VBP1: variants seen among roughly 807,000 people sequenced by gnomAD.
VBP1 encodes the protein prefoldin subunit 3.
In VBP1, 4 loss-of-function variants were observed where a neutral mutation model predicts 15.5. The ratio of observed to expected loss-of-function variants is 0.26; its 90% CI spans 0.13 to 0.59. The LOEUF is 0.59. VBP1 is among the 20% of genes least tolerant of loss of function. The pLI, the probability that VBP1 is intolerant of heterozygous loss-of-function variation, is 0.90. For missense variants in VBP1, 108 were observed against 139.6 expected (o/e 0.77, Z 1.14); for synonymous variants, 61 against 52.1 (o/e 1.17, Z -0.74).
At chrX:155,201,925 A>T (rs1336250290) in intron 1 of VBP1, among the ~76,000 whole-genome samples, 4 of 111,865 alleles carry the variant, frequency 3.6e-5, no homozygotes, top group Non-Finnish European at 7.5e-5. Flanking sequence ...CAGGATACAA[A>T]ATCAATGTGC....
chrX:155,216,623 G>T, intron 1 of VBP1, 48 bp downstream of exon 1: 1 of 1,161,189 alleles, frequency 8.6e-7, no homozygotes, highest in East Asian at 3.3e-5. Context: ...GCCTTGGACT[G>T]CCCCTTTCTT....
chrX:155,231,645 C>G (rs1557310878), intron 4 of VBP1, among the ~76,000 whole-genome samples: 1 of 112,400 alleles, frequency 8.9e-6, no homozygotes, highest in African/African-American at 3.2e-5. Context: ...GATGCACCCA[C>G]TTTTAATCAT....
In VBP1 at chrX:155,238,759, A is replaced by G. The variant is rs1557311887; in HGVS notation, c.524-13A>G. ...TAGAATTGCATTTGCATTTTCTTTG[A>G]CAATTCTTGCAGATATGGCCAGGGT... On this transcript the variant is annotated splice_polypyrimidine_tract_variant and intron_variant, in intron 5 of 5. Coordinates refer to ENST00000286428, the MANE Select transcript of VBP1 (RefSeq NM_003372.7). 1 of 1,195,254 alleles carries G rather than the reference A, an allele frequency of 8.4e-7. No homozygotes were observed. Among genetic ancestry groups the G allele is most frequent in the Non-Finnish European group, 1.1e-6 (1 of 886,798 alleles).
intron 2 of VBP1, among the ~76,000 whole-genome samples, chrX:155,223,576 G>A (rs1372694411): frequency 8.9e-6 from 1 of 111,858 alleles, no homozygotes; most frequent in Non-Finnish European, 1.9e-5. Flanking sequence ...AGAACAAAAT[G>A]GAGTCTCCCA....
intron 2 of VBP1, among the ~76,000 whole-genome samples, chrX:155,209,521 G>A (rs2074637571): frequency 8.9e-6 from 1 of 112,293 alleles, no homozygotes; most frequent in Non-Finnish European, 1.9e-5. Flanking sequence ...TCAAATAGTA[G>A]ATGTATAGCG....
intron 1 of VBP1, among the ~76,000 whole-genome samples, chrX:155,205,820 C>T (rs2074624198): frequency 8.9e-6 from 1 of 111,793 alleles, no homozygotes; most frequent in Admixed American, 9.5e-5. Context: ...AAGGCAGGAA[C>T]AACCCATGTT....
rs966571682 is a variant in VBP1 at position 155,217,160 on chromosome X, C to A, written c.93+585C>A. On this transcript the variant is annotated intron_variant, in intron 1 of 5. Coordinates refer to ENST00000286428, the MANE Select transcript of VBP1 (RefSeq NM_003372.7). ...GGTTTTCCAGTAGGCAACGGGCTGT[C>A]ATCAGAAGGCCTTTCGTTTTAACTA... Among the ~76,000 whole-genome samples the A allele has an allele frequency of 1.2e-4, 13 of 111,205 alleles. No homozygotes were observed. The East Asian group carries it at 3.4e-3, about 29-fold the overall frequency.
At chrX:155,234,410 GC>G (rs1295728631) in intron 4 of VBP1, among the ~76,000 whole-genome samples, 1 of 110,607 alleles carries the variant, frequency 9.0e-6, no homozygotes, top group Non-Finnish European at 1.9e-5. Flanking sequence ...GTGAGCCACC[GC>G]GCCTGGCCCC....
chrX:155,209,240 T>C (rs1341721773), intron 2 of VBP1, among the ~76,000 whole-genome samples: 1 of 112,546 alleles, frequency 8.9e-6, no homozygotes, highest in Non-Finnish European at 1.9e-5. Context: ...TTTATTCATT[T>C]ATTTGTTTAT....
chrX:155,225,419 C>T (rs1334971139), intron 2 of VBP1, among the ~76,000 whole-genome samples: 4 of 111,760 alleles, frequency 3.6e-5, no homozygotes, highest in African/African-American at 1.3e-4. Flanking sequence ...AGGCCGGTCT[C>T]GAACTCCTGG....
intron 2 of VBP1, among the ~76,000 whole-genome samples, chrX:155,224,834 C>T (rs191997519): frequency 9.0e-6 from 1 of 111,321 alleles, no homozygotes; most frequent in East Asian, 2.8e-4. Context: ...TTCTGGGATT[C>T]CTGTTTACAG....
chrX:155,232,432 A>C (rs2074751698), intron 4 of VBP1, among the ~76,000 whole-genome samples: 1 of 111,646 alleles, frequency 9.0e-6, no homozygotes. Context: ...CCAAATCTGC[A>C]AACATTTTTT....
At chrX:155,235,120 G>A (rs1170626421) in intron 4 of VBP1, among the ~76,000 whole-genome samples, 2 of 108,935 alleles carry the variant, frequency 1.8e-5, no homozygotes, top group Non-Finnish European at 3.8e-5. Flanking sequence ...GTGTGTATGT[G>A]TGTGTGTGTG....
At chrX:155,200,941 C>T (rs2074600775) in intron 1 of VBP1, among the ~76,000 whole-genome samples, 1 of 110,243 alleles carries the variant, frequency 9.1e-6, no homozygotes, top group Non-Finnish European at 1.9e-5. Flanking sequence ...ACCACCGATC[C>T]CACAGAAATA....
At chrX:155,198,063 G>A (rs1421703265) in intron 1 of VBP1, among the ~76,000 whole-genome samples, 11 of 112,438 alleles carry the variant, frequency 9.8e-5, no homozygotes, top group South Asian at 7.2e-4. Flanking sequence ...GGGGAGGGGC[G>A]CCCGCCATTG....
At position 155,239,321 on chromosome X, in the gene VBP1, T is replaced by G; in HGVS notation, c.*479T>G. On this transcript the variant is annotated 3_prime_UTR_variant, in exon 6 of 6. Transcript: ENST00000286428. ...GCTATTGTCTTCTATAAGTGGAGTT[T>G]CATGACTTACTGCTTAACGAATAAC... 1 of 112,726 alleles carries G rather than the reference T, an allele frequency of 8.9e-6. No individual in the cohort carries two copies. Among genetic ancestry groups the G allele is most frequent in the Non-Finnish European group, 1.9e-5 (1 of 53,585 alleles). The allele number at this position is 112,726 out of a possible 1,213,427, so 9.3% of individuals were successfully genotyped here.
Position 155,216,590 on chromosome X carries a change from G to C in VBP1, c.93+15G>C. 6.8e-6 allele frequency: 8 copies of C among 1,167,971 alleles called. No homozygotes were observed. Among genetic ancestry groups the C allele is most frequent in the Non-Finnish European group, 9.2e-6 (8 of 872,948 alleles). On this transcript the variant is annotated intron_variant, in intron 1 of 5. Transcript: ENST00000286428. ...CCGTGTTTGTGGTAAGAGGCACGCT[G>C]TTCCCTGGCATCTTGGCTTGAGGCC...
chrX:155,209,612 T>C (rs183587975), intron 2 of VBP1, among the ~76,000 whole-genome samples: 128 of 111,894 alleles, frequency 1.1e-3, no homozygotes, highest in South Asian at 2.2e-3. Context: ...TATGAGTGAG[T>C]ATAGCTGAAG....
At chrX:155,231,507 C>G (rs2074746419) in intron 4 of VBP1, among the ~76,000 whole-genome samples, 1 of 112,385 alleles carries the variant, frequency 8.9e-6, no homozygotes, top group Admixed American at 9.4e-5. Context: ...AGTTCCCTGA[C>G]ACATAATAAG....
Sources: allele counts gnomAD v4.1 joint callset (sites outside exome capture counted in the v4.1 genomes callset), GRCh38; gene constraint gnomAD v4.1.1; transcripts MANE v1.5; gene names NCBI Gene and HGNC (gene_info 2026-07-23, HGNC 2026-07-21).